HNF1A: variants seen among roughly 807,000 people sequenced by gnomAD.
HNF1A encodes HNF1 homeobox A.
HNF1A carries 21 observed loss-of-function variants against 62.2 expected under a neutral mutation model. The ratio of observed to expected loss-of-function variants is 0.34; its 90% CI spans 0.24 to 0.49. HNF1A has a LOEUF of 0.49. Among genes scored for constraint, HNF1A ranks in the 20% least tolerant of loss-of-function variants. The probability of loss-of-function intolerance (pLI) is 0.99; values close to 1 mark genes in which losing one functional copy is unlikely to be tolerated. For missense variants in HNF1A, 687 were observed against 832.3 expected, an observed-to-expected ratio of 0.83 and a Z score of 2.15; for synonymous variants, 374 against 366.8, an observed-to-expected ratio of 1.02 and a Z score of -0.22.
intron 1 of HNF1A, among the ~76,000 whole-genome samples, chr12:120,979,902 G>C (rs1324037328): frequency 3.3e-5 from 5 of 152,198 alleles, no homozygotes; most frequent in Non-Finnish European, 7.4e-5. Flanking sequence ...TTAACTTGTA[G>C]GAATGGTGGC....
rs768832457 is a variant in HNF1A at position 120,999,539 on chromosome 12, T to G, written c.1680T>G (p.Ser560=). 46 of 1,613,184 alleles carry G rather than the reference T, an allele frequency of 2.9e-5. No individual in the cohort carries two copies. Among genetic ancestry groups the G allele is most frequent in the Non-Finnish European group, 3.8e-5 (45 of 1,179,842 alleles). ...AGTCCGGGCTTCACACGCCGGCATCTCAGGCCACCACCCTCCACGTCCCCA... is the reference window on the plus strand; with the variant it reads ...AGTCCGGGCTTCACACGCCGGCATCGCAGGCCACCACCCTCCACGTCCCCA... The part of the protein sequence containing the change: ...SSESGLHTPA[S]QATTLHVPSQ... The change falls in exon 9 of 10, where the codon TCT becomes TCG. Residue 560 remains serine, a synonymous_variant. Transcript: ENST00000257555.
intron 1 of HNF1A, 113 bp downstream of exon 1, chr12:120,979,207 G>C: frequency 9.9e-7 from 1 of 1,007,662 alleles, no homozygotes; most frequent in East Asian, 2.6e-5. Context: ...CTTTAGCCTA[G>C]TTGCTGGGAA....
intron 3 of HNF1A, among the ~76,000 whole-genome samples, 183 bp from the exon 4 acceptor site, chr12:120,993,979 GGA>G (rs1396015009): frequency 6.6e-6 from 1 of 152,130 alleles, no homozygotes; most frequent in African/African-American, 2.4e-5. Flanking sequence ...CTTTATGAAT[GGA>G]GAGACTGAGG....
intron 2 of HNF1A, among the ~76,000 whole-genome samples, chr12:120,992,645 C>T (rs1231084927): frequency 3.3e-5 from 5 of 152,120 alleles, no homozygotes; most frequent in Non-Finnish European, 5.9e-5. Context: ...ATTACCAGCT[C>T]CCAGCCTGGT....
chr12:121,001,289 C>T lies in HNF1A; in HGVS notation c.*97C>T, dbSNP rs371683540. ...GGAGGACCTGAGCCTGCCGAGCAAC[C>T]GTGGCCCTTCCTGGACAGCTGTGCC... is the stretch of plus-strand genomic sequence containing the variant. On this transcript the variant is annotated 3_prime_UTR_variant, in exon 10 of 10. Coordinates refer to ENST00000257555, the MANE Select transcript of HNF1A (RefSeq NM_000545.8). 23 of 1,461,032 alleles carry T rather than the reference C, an allele frequency of 1.6e-5. No homozygotes were observed. The highest frequency in any genetic ancestry group is 1.2e-4 in the South Asian group (10 of 83,822). The allele number at this position is 1,461,032 out of a possible 1,614,324, so 90.5% of individuals were successfully genotyped here.
In HNF1A at chr12:120,997,936, C is replaced by G. The variant is rs1877202753; in HGVS notation, c.1501+271C>G. The G allele has an allele frequency of 4.3e-5, 28 of 650,540 alleles. No individual in the cohort carries two copies. In the South Asian group the frequency reaches 4.9e-4, roughly 11 times the overall value. 40.3% of individuals were successfully genotyped at this position (650,540 alleles called of 1,614,324 possible). On this transcript the variant is annotated intron_variant, in intron 7 of 9. Coordinates refer to ENST00000257555, the MANE Select transcript of HNF1A (RefSeq NM_000545.8). ...CATTTGTGTGCATGCCTGTGTTTCT[C>G]TGAAACTCTTAGGGCCATATGAATT...
intron 1 of HNF1A, among the ~76,000 whole-genome samples, chr12:120,983,236 G>T (rs1264815608): frequency 1.3e-5 from 2 of 152,118 alleles, no homozygotes; most frequent in Non-Finnish European, 2.9e-5. Context: ...TGGGGCCAAG[G>T]GTCTCCAGGG....
intron 1 of HNF1A, among the ~76,000 whole-genome samples, chr12:120,986,384 C>A (rs1481257973): frequency 6.6e-6 from 1 of 152,184 alleles, no homozygotes; most frequent in African/African-American, 2.4e-5. Flanking sequence ...CTATGGCAAG[C>A]AACGTGGCAA....
chr12:120,998,181 G>A (rs1223506907), intron 7 of HNF1A: 1 of 248,802 alleles, frequency 4.0e-6, no homozygotes, highest in Non-Finnish European at 7.9e-6. Flanking sequence ...TTGGGAGGCT[G>A]AGGCAGAATC....
chr12:121,002,495 G>C lies in HNF1A; in HGVS notation c.*1303G>C. ...TTTATTTAACTTTTAGTAAAGTCAA[G>C]GAGAAATGCGGTGGAAACTTCTTGC... On this transcript the variant is annotated 3_prime_UTR_variant, in exon 10 of 10. Transcript: ENST00000257555. The C allele has an allele frequency of 1.9e-6, 1 of 513,408 alleles. No homozygotes were observed. Among genetic ancestry groups the C allele is most frequent in the Non-Finnish European group, 3.8e-6 (1 of 261,934 alleles). The allele number at this position is 513,408 out of a possible 1,614,324, so 31.8% of individuals were successfully genotyped here. A position where few individuals can be genotyped will look rare whatever the true frequency, so the allele number is the denominator to read the frequency against.
Position 120,996,567 on chromosome 12 carries a change from C to G in HNF1A, c.1134C>G (p.Pro378=). The change falls in exon 6 of 10, where the codon CCC becomes CCG. Residue 378 remains proline, a synonymous_variant. Coordinates refer to ENST00000257555, the MANE Select transcript of HNF1A (RefSeq NM_000545.8). This position sits in a 1 kb window ranked among gnomAD's most constrained non-coding sequence, Gnocchi z 4.5. Reference sequence around the variant, plus strand: ...TCTCAGCAGCTGGGGGCCCCCTCCCCCCTGTCAGCACCCTGACAGCACTGC... The same window carrying G: ...TCTCAGCAGCTGGGGGCCCCCTCCCGCCTGTCAGCACCCTGACAGCACTGC... ...KLVSAAGGPL[P]PVSTLTALHS... is the part of the protein sequence containing the mutation. 4 of 1,613,972 alleles carry G rather than the reference C, an allele frequency of 2.5e-6. No homozygotes were observed. Among genetic ancestry groups the G allele is most frequent in the Non-Finnish European group, 3.4e-6 (4 of 1,179,988 alleles).
chr12:120,994,190 C>T lies in HNF1A; in HGVS notation c.740C>T (p.Ser247Phe), dbSNP rs1384520985. The T allele has an allele frequency of 2.0e-5, 33 of 1,613,492 alleles. No individual in the cohort carries two copies. The highest frequency in any genetic ancestry group is 2.8e-5 in the Non-Finnish European group (33 of 1,179,782). ...GCGGAATGCATCCAGAGAGGGGTGTCCCCATCACAGGCACAGGGGCTGGGC... is the reference window on the plus strand; with the variant it reads ...GCGGAATGCATCCAGAGAGGGGTGTTCCCATCACAGGCACAGGGGCTGGGC... ...NRAECIQRGV[S>F]PSQAQGLGSN... The change falls in exon 4 of 10, where the codon TCC becomes TTC. Residue 247 changes from serine (S) to phenylalanine (F), a missense_variant. Transcript: ENST00000257555.
At chr12:120,998,980 G>A (rs946923752) in intron 7 of HNF1A, among the ~76,000 whole-genome samples, 7 of 152,294 alleles carry the variant, frequency 4.6e-5, no homozygotes, top group East Asian at 1.9e-4. Context: ...TGCACCTCCC[G>A]TTCCCTTTCA....
At position 120,993,696 on chromosome 12, in the gene HNF1A, G is replaced by C. The variant is rs1353807357; in HGVS notation, c.703G>C (p.Glu235Gln). ...SKEERETLVE[E>Q]CNRAECIQRG... is the part of the protein sequence containing the mutation. ...GGAGGAGCGAGAGACGCTAGTGGAG[G>C]AGTGCAATAGGTACAACGGCGGGCG... The change falls in exon 3 of 10, where the codon GAG (glutamate) becomes CAG (glutamine). Residue 235 changes from glutamate (E) to glutamine (Q), a missense_variant. Coordinates refer to ENST00000257555, the MANE Select transcript of HNF1A (RefSeq NM_000545.8). The C allele has an allele frequency of 1.2e-6, 2 of 1,613,940 alleles. No individual in the cohort carries two copies. Among genetic ancestry groups the C allele is most frequent in the South Asian group, 2.2e-5 (2 of 91,078 alleles).
At chr12:120,986,672 C>T (rs1460853176) in intron 1 of HNF1A, among the ~76,000 whole-genome samples, 1 of 152,186 alleles carries the variant, frequency 6.6e-6, no homozygotes, top group Non-Finnish European at 1.5e-5. Context: ...CTCTGCCTCC[C>T]GGGTTCAAGC....
chr12:120,984,976 C>T (rs1876436081), intron 1 of HNF1A, among the ~76,000 whole-genome samples: 1 of 132,046 alleles, frequency 7.6e-6, no homozygotes, highest in Non-Finnish European at 1.6e-5. Flanking sequence ...GACAGGATTT[C>T]ACTCTGTCGC....
At position 120,999,453 on chromosome 12, in the gene HNF1A, C is replaced by T. The variant is rs563879035; in HGVS notation, c.1624-30C>T. 119 of 1,613,860 alleles carry T rather than the reference C, an allele frequency of 7.4e-5. No individual in the cohort carries two copies. Among genetic ancestry groups the T allele is most frequent in the South Asian group, 6.9e-4 (63 of 91,078 alleles). On this transcript the variant is annotated intron_variant, in intron 8 of 9. Transcript: ENST00000257555. Reference sequence around the variant, plus strand: ...CAGAGCCCCTCACCCCCACATCCCCCGGGCTCAGGAGGCTGCTCTGCTCCC... The same window carrying T: ...CAGAGCCCCTCACCCCCACATCCCCTGGGCTCAGGAGGCTGCTCTGCTCCC...
chr12:120,992,310 C>G (rs1447969151), intron 2 of HNF1A, among the ~76,000 whole-genome samples: 1 of 152,218 alleles, frequency 6.6e-6, no homozygotes, highest in Non-Finnish European at 1.5e-5. Flanking sequence ...ATCCTACCAG[C>G]TTAGCAACCT....
intron 1 of HNF1A, 38 bp from the exon 2 acceptor site, chr12:120,988,795 G>T: frequency 1.9e-6 from 3 of 1,601,388 alleles, no homozygotes; most frequent in Non-Finnish European, 2.6e-6. Context: ...GGGAGAGACA[G>T]CCCTTGCTGA....
Sources: gnomAD v4.1 joint callset for allele counts (sites outside exome capture counted in the v4.1 genomes callset) on GRCh38, gnomAD v4.1.1 for gene constraint, Gnocchi (gnomAD v3.1) non-coding constraint, MANE v1.5 for transcripts, NCBI Gene and HGNC (gene_info 2026-07-23, HGNC 2026-07-21) for gene names.